ERC2: variants seen among roughly 807,000 people sequenced by gnomAD.
The protein encoded by ERC2 is ELKS/RAB6-interacting/CAST family member 2, also known as ERC protein 2.
ERC2 carries 42 observed loss-of-function variants against 114.8 expected under a neutral mutation model. That is an observed-to-expected ratio of 0.37 (90% CI 0.29 to 0.47). The LOEUF is 0.47. Ranked by LOEUF, ERC2 falls within the 20% of genes least tolerant of loss-of-function variation. The pLI is 0.99. For synonymous variants in ERC2, 454 were observed against 425.5 expected (o/e 1.07, Z -0.82); for missense variants, 939 against 1,150.7 (o/e 0.82, Z 2.66).
At chr3:55,914,970 T>A (rs2065011318) in intron 13 of ERC2, among the ~76,000 whole-genome samples, 1 of 152,182 alleles carries the variant, frequency 6.6e-6, no homozygotes, top group Non-Finnish European at 1.5e-5. Flanking sequence ...ATTTTAAAAA[T>A]AATCTAATTT....
intron 12 of ERC2, among the ~76,000 whole-genome samples, chr3:55,974,638 C>T (rs1027869427): frequency 4.6e-5 from 7 of 152,134 alleles, no homozygotes; most frequent in African/African-American, 1.2e-4. Context: ...GATGGATGAC[C>T]GAGGTCTTCC....
At chr3:56,267,219 T>G (rs1364634505) in intron 3 of ERC2, among the ~76,000 whole-genome samples, 1 of 152,150 alleles carries the variant, frequency 6.6e-6, no homozygotes, top group East Asian at 1.9e-4. Flanking sequence ...ATTTCGAATT[T>G]CAGATTTTTG....
chr3:55,718,892 C>T (rs2064282068), intron 15 of ERC2, among the ~76,000 whole-genome samples: 1 of 152,168 alleles, frequency 6.6e-6, no homozygotes, highest in African/African-American at 2.4e-5. Context: ...AGAACATGTT[C>T]TCAGCTAAAG....
chr3:55,757,776 A>C (rs1171388847), intron 14 of ERC2, among the ~76,000 whole-genome samples: 1 of 152,166 alleles, frequency 6.6e-6, no homozygotes, highest in Non-Finnish European at 1.5e-5. Context: ...TTACATAAAC[A>C]TAAATTATTT....
intron 6 of ERC2, among the ~76,000 whole-genome samples, chr3:56,106,805 AGTTT>A (rs1159588204): frequency 6.6e-6 from 1 of 152,186 alleles, no homozygotes; most frequent in Non-Finnish European, 1.5e-5. Flanking sequence ...ATTTCCAGTT[AGTTT>A]AAGAAGAAAA....
intron 14 of ERC2, among the ~76,000 whole-genome samples, chr3:55,748,674 CT>C (rs2066466449): frequency 6.6e-6 from 1 of 152,188 alleles, no homozygotes; most frequent in Admixed American, 6.5e-5. Flanking sequence ...TGGCATTTCC[CT>C]CTGCATGTAT....
intron 17 of ERC2, among the ~76,000 whole-genome samples, chr3:55,613,719 C>A (rs2059000668): frequency 6.6e-6 from 1 of 152,046 alleles, no homozygotes. Context: ...TGGCTCATGC[C>A]TATAATCCCA....
At chr3:55,723,030 A>G (rs903508964) in intron 15 of ERC2, among the ~76,000 whole-genome samples, 2 of 152,264 alleles carry the variant, frequency 1.3e-5, no homozygotes, top group Non-Finnish European at 2.9e-5. Context: ...GATGTTCATC[A>G]CAGTGTGATT....
At chr3:55,555,398 G>A (rs1458074291) in intron 17 of ERC2, among the ~76,000 whole-genome samples, 3 of 152,146 alleles carry the variant, frequency 2.0e-5, no homozygotes, top group Non-Finnish European at 4.4e-5. Flanking sequence ...ACCTGGGTGA[G>A]GAAACAGCAT....
At chr3:56,173,601 C>A in intron 3 of ERC2, 81 bp from the exon 4 acceptor site, 4 of 1,308,168 alleles carry the variant, frequency 3.1e-6, no homozygotes, top group Non-Finnish European at 4.3e-6. Flanking sequence ...ACTACACAGC[C>A]TGCTGGGTCC....
intron 2 of ERC2, among the ~76,000 whole-genome samples, chr3:56,323,901 G>A (rs1357996693): frequency 6.6e-6 from 1 of 152,062 alleles, no homozygotes; most frequent in African/African-American, 2.4e-5. Flanking sequence ...TCTGCTGACA[G>A]AAATAACCAT....
At position 55,510,185 on chromosome 3, in the gene ERC2, T is replaced by C. The variant is rs193107762; in HGVS notation, c.*1131A>G. ...GAGCTATATACAGAGACACAGCTTT[T>C]GTGATTGTTCCTCATTCATCAATGT... is the stretch of plus-strand genomic sequence containing the variant. On this transcript the variant is annotated 3_prime_UTR_variant, in exon 18 of 18. Coordinates refer to ENST00000288221, the MANE Select transcript of ERC2 (RefSeq NM_015576.3). The C allele has an allele frequency of 1.3e-5, 2 of 152,010 alleles. No individual in the cohort carries two copies. Among genetic ancestry groups the C allele is most frequent in the African/African-American group, 4.8e-5 (2 of 41,270 alleles). 9.4% of individuals were successfully genotyped at this position (152,010 alleles called of 1,614,324 possible).
chr3:56,109,227 T>C (rs2078832090), intron 6 of ERC2, among the ~76,000 whole-genome samples: 1 of 152,118 alleles, frequency 6.6e-6, no homozygotes, highest in African/African-American at 2.4e-5. Context: ...CCCCTCTTTG[T>C]GTTCATGAGA....
chr3:56,073,088 G>A (rs1196252983), intron 7 of ERC2, among the ~76,000 whole-genome samples: 2 of 152,094 alleles, frequency 1.3e-5, no homozygotes, highest in African/African-American at 2.4e-5. Flanking sequence ...AAACATACAC[G>A]AGAAATTCAA....
chr3:55,828,835 T>C (rs1477099901), intron 14 of ERC2, among the ~76,000 whole-genome samples: 3 of 152,124 alleles, frequency 2.0e-5, no homozygotes, highest in East Asian at 3.9e-4. Flanking sequence ...GAGTCTAAAC[T>C]ACACAATGTT....
At chr3:56,467,859 A>C (rs368290945) in intron 1 of ERC2, among the ~76,000 whole-genome samples, 11 of 150,388 alleles carry the variant, frequency 7.3e-5, no homozygotes, top group African/African-American at 2.5e-4. Context: ...CGAACACCCC[A>C]CCCCTCGAGG....
intron 2 of ERC2, among the ~76,000 whole-genome samples, chr3:56,388,832 T>C (rs566008216): frequency 6.6e-6 from 1 of 152,304 alleles, no homozygotes; most frequent in East Asian, 1.9e-4. Flanking sequence ...CAACTCAGCA[T>C]TCAATACCTT....
intron 2 of ERC2, among the ~76,000 whole-genome samples, chr3:56,316,528 T>C (rs997632394): frequency 3.9e-5 from 6 of 152,312 alleles, no homozygotes; most frequent in Non-Finnish European, 7.3e-5. Flanking sequence ...GTTTAATCTC[T>C]GGAAAGTTGT....
At chr3:55,665,844 G>T (rs997160876) in intron 17 of ERC2, among the ~76,000 whole-genome samples, 1 of 152,308 alleles carries the variant, frequency 6.6e-6, no homozygotes, top group Non-Finnish European at 1.5e-5. Flanking sequence ...TCCATACATG[G>T]ACTCTGCTAG....
Sources: gnomAD v4.1 joint callset for allele counts (sites outside exome capture counted in the v4.1 genomes callset) on GRCh38, gnomAD v4.1.1 for gene constraint, MANE v1.5 for transcripts, NCBI Gene and HGNC (gene_info 2026-07-23, HGNC 2026-07-21) for gene names.